Variants in XKR6 observed in about 807,000 individuals in gnomAD.
XKR6 encodes the protein XK related 6.
Under a neutral mutation model 56.7 loss-of-function variants are expected in XKR6, and 22 were observed. That is an observed-to-expected ratio of 0.39 (90% CI 0.28 to 0.55). The LOEUF is 0.55. XKR6 is among the 20% of genes least tolerant of loss of function. The pLI is 0.66. For synonymous variants in XKR6, 524 were observed against 387.8 expected (o/e 1.35, Z -4.13); for missense variants, 852 against 889.0 (o/e 0.96, Z 0.53).
intron 1 of XKR6, among the ~76,000 whole-genome samples, chr8:11,040,658 G>A (rs927187825): frequency 3.3e-5 from 5 of 152,156 alleles, no homozygotes; most frequent in African/African-American, 9.7e-5. Flanking sequence ...CTCCTGGTTC[G>A]TAGACGATGC....
intron 1 of XKR6, among the ~76,000 whole-genome samples, chr8:11,141,070 A>G (rs1800671093): frequency 6.6e-6 from 1 of 152,180 alleles, no homozygotes; most frequent in Admixed American, 6.5e-5. Context: ...ACAACACGTA[A>G]TGGTTACACG....
intron 1 of XKR6, among the ~76,000 whole-genome samples, chr8:11,040,854 C>A (rs1799269724): frequency 6.6e-6 from 1 of 152,164 alleles, no homozygotes; most frequent in Non-Finnish European, 1.5e-5. Context: ...AAAACAGAAT[C>A]ATTGCTTGTA....
intron 1 of XKR6, among the ~76,000 whole-genome samples, chr8:11,047,936 G>C (rs890727787): frequency 6.6e-6 from 1 of 152,148 alleles, no homozygotes; most frequent in Admixed American, 6.5e-5. Flanking sequence ...CAGTTTTACA[G>C]ATGGGGACTC....
chr8:11,196,433 C>CA (rs1225406692), intron 1 of XKR6, among the ~76,000 whole-genome samples: 17 of 148,376 alleles, frequency 1.1e-4, no homozygotes, highest in East Asian at 7.8e-4. Flanking sequence ...CAAAACAAAA[C>CA]AAAAAAAACA....
intron 1 of XKR6, among the ~76,000 whole-genome samples, chr8:10,928,469 C>T (rs1195243592): frequency 6.6e-6 from 1 of 152,260 alleles, no homozygotes; most frequent in Non-Finnish European, 1.5e-5. Context: ...ACCCCTGGGC[C>T]AGCGCTGCTC....
At chr8:11,055,995 G>C (rs151224297) in intron 1 of XKR6, among the ~76,000 whole-genome samples, 17 of 152,246 alleles carry the variant, frequency 1.1e-4, no homozygotes, top group African/African-American at 2.9e-4. Flanking sequence ...CCCTGCTTCC[G>C]GGCCTGTGCA....
chr8:10,990,886 G>A (rs1797975041), intron 1 of XKR6, among the ~76,000 whole-genome samples: 1 of 148,404 alleles, frequency 6.7e-6, no homozygotes, highest in Non-Finnish European at 1.5e-5. Context: ...CCCGGCCACT[G>A]GGGAATGTCT....
chr8:11,058,422 G>A (rs143576000), intron 1 of XKR6, among the ~76,000 whole-genome samples: 19 of 152,282 alleles, frequency 1.2e-4, no homozygotes, highest in Admixed American at 9.2e-4. Context: ...TATTTGCTAC[G>A]TAAATGAACC....
At chr8:11,146,054 T>C (rs994559314) in intron 1 of XKR6, among the ~76,000 whole-genome samples, 5 of 149,010 alleles carry the variant, frequency 3.4e-5, no homozygotes, top group African/African-American at 1.3e-4. Context: ...CAATTGACTT[T>C]TGATAAAGGG....
intron 1 of XKR6, among the ~76,000 whole-genome samples, chr8:11,100,582 C>G (rs940145553): frequency 6.6e-6 from 1 of 152,308 alleles, no homozygotes; most frequent in African/African-American, 2.4e-5. Context: ...CCAATCAGAC[C>G]ACTTCCAGAA....
intron 1 of XKR6, among the ~76,000 whole-genome samples, chr8:11,047,048 A>G (rs1210825391): frequency 6.6e-6 from 1 of 152,212 alleles, no homozygotes; most frequent in Non-Finnish European, 1.5e-5. Flanking sequence ...TCAATTCGGC[A>G]GGATGAAAGA....
intron 1 of XKR6, chr8:11,137,469 G>T (rs777432232): frequency 4.4e-5 from 19 of 432,282 alleles, no homozygotes; most frequent in African/African-American, 2.9e-4. Flanking sequence ...AGCCGACACG[G>T]AAGTCTTATC....
intron 1 of XKR6, among the ~76,000 whole-genome samples, chr8:11,160,753 C>G (rs1027651925): frequency 2.4e-4 from 36 of 151,662 alleles, no homozygotes; most frequent in African/African-American, 8.5e-4. Flanking sequence ...ACTAAAAATA[C>G]AAAAATTAGC....
chr8:10,932,645 A>G (rs1381880692), intron 1 of XKR6, among the ~76,000 whole-genome samples: 1 of 133,948 alleles, frequency 7.5e-6, no homozygotes, highest in Non-Finnish European at 1.6e-5. Context: ...CTCACTGTTC[A>G]ATTCCCACCT....
chr8:11,200,719 C>G lies in XKR6; in HGVS notation c.621G>C (p.Met207Ile), dbSNP rs1772317647. The stretch of plus-strand genomic sequence containing the variant: ...CCGCGCCGTGGACGTAGCCGGCCCC[C>G]ATCATGGGGGGGCCCCGGCTGGTGA... Reference protein sequence around the residue: ...EGLTSRGPPMMGAGYVHGAAR... With the variant: ...EGLTSRGPPMIGAGYVHGAAR... The change falls in exon 1 of 3, where the codon ATG becomes ATC. Residue 207 changes from methionine (M) to isoleucine (I), a missense_variant. By Grantham distance (10) the Met-to-Ile change is conservative (BLOSUM62 1). Coordinates refer to ENST00000416569, the MANE Select transcript of XKR6 (RefSeq NM_173683.4). This position sits in a 1 kb window ranked among gnomAD's most constrained non-coding sequence, Gnocchi z 6.4. 1 of 1,589,412 alleles carries G rather than the reference C, an allele frequency of 6.3e-7. No homozygotes were observed. The highest frequency in any genetic ancestry group is 8.5e-7 in the Non-Finnish European group (1 of 1,172,024).
intron 1 of XKR6, among the ~76,000 whole-genome samples, chr8:10,956,055 T>C (rs76491726): frequency 0.019 from 2,843 of 152,284 alleles, 55 homozygotes; most frequent in African/African-American, 0.052. Flanking sequence ...GGCTGAGCCC[T>C]GAGAGGGATG....
At chr8:11,121,856 T>C (rs1253032739) in intron 1 of XKR6, among the ~76,000 whole-genome samples, 3 of 152,156 alleles carry the variant, frequency 2.0e-5, no homozygotes, top group Admixed American at 1.3e-4. Context: ...TATGCAGCCA[T>C]AAAAAATGAT....
chr8:11,045,965 T>A (rs2001433), intron 1 of XKR6, among the ~76,000 whole-genome samples: 88,110 of 152,174 alleles, frequency 0.58, 29,174 homozygotes, highest in African/African-American at 0.89. Flanking sequence ...GAGAAACTGG[T>A]ACCCTTGTGC....
chr8:11,195,958 GAAA>G (rs5889362), intron 1 of XKR6, among the ~76,000 whole-genome samples: 2 of 128,990 alleles, frequency 1.6e-5, no homozygotes, highest in East Asian at 2.6e-4. Flanking sequence ...TGGATAAAAT[GAAA>G]AAAAAAAAAA....
Sources: allele counts gnomAD v4.1 joint callset (sites outside exome capture counted in the v4.1 genomes callset), GRCh38; gene constraint gnomAD v4.1.1; non-coding constraint Gnocchi (gnomAD v3.1); transcripts MANE v1.5; gene names NCBI Gene and HGNC (gene_info 2026-07-23, HGNC 2026-07-21).